FGFR2: variants seen among roughly 807,000 people sequenced by gnomAD.
The protein encoded by FGFR2 is BEK fibroblast growth factor receptor.
FGFR2 carries 19 observed loss-of-function variants against 95.9 expected under a neutral mutation model. The observed-to-expected ratio is 0.20, with a 90% confidence interval of 0.14 to 0.29. The LOEUF is 0.29. Ranked by LOEUF, FGFR2 falls within the 10% of genes least tolerant of loss-of-function variation. FGFR2 has a pLI of 1.00. For synonymous variants in FGFR2, 392 were observed against 393.3 expected (o/e 1.00, Z 0.04); for missense variants, 707 against 1,056.9 (o/e 0.67, Z 4.59).
chr10:121,583,648 A>G (rs1311489892), intron 2 of FGFR2: 1 of 153,716 alleles, frequency 6.5e-6, no homozygotes, highest in African/African-American at 2.4e-5. Context: ...CTTTAGGAGA[A>G]TTCGGTATGG....
chr10:121,501,455 G>A (rs1202433756), intron 10 of FGFR2, among the ~76,000 whole-genome samples: 4 of 152,044 alleles, frequency 2.6e-5, no homozygotes, highest in African/African-American at 9.7e-5. Context: ...TTACTAAAAA[G>A]AAAATTCTAA....
Position 121,563,022 on chromosome 10 carries a change from T to C in FGFR2, c.454+1480A>G, listed in dbSNP as rs567932587. Among the ~76,000 whole-genome samples the C allele has an allele frequency of 1.8e-3, 271 of 152,184 alleles. 2 individuals are homozygous for C. The highest frequency in any genetic ancestry group is 5.9e-3 in the African/African-American group (246 of 41,540). ...CAGGAGGCTGAGGCGGGTGGATCAC[T>C]TGAGGTCAGGAGTTCAAGACCAGCC... On this transcript the variant is annotated intron_variant, in intron 4 of 17. Transcript: ENST00000358487.
intron 4 of FGFR2, among the ~76,000 whole-genome samples, chr10:121,552,859 T>C (rs1356210148): frequency 2.0e-5 from 3 of 152,204 alleles, no homozygotes; most frequent in Non-Finnish European, 4.4e-5. Flanking sequence ...TTATTTCTGA[T>C]GAAGGCTAGA....
In FGFR2 at chr10:121,577,178, T is replaced by TATATAGAGAGAGAGAAAGAGAG; in HGVS notation, c.110-11475_110-11474insCTCTCTTTCTCTCTCTCTATAT. On this transcript the variant is annotated intron_variant, in intron 2 of 17. Transcript: ENST00000358487. ...AAAAAAATATATATATATATATATATAGAGAGAGAGAGAGAGAGAGAGAGA... is the reference window on the plus strand; with the variant it reads ...AAAAAAATATATATATATATATATATATATAGAGAGAGAGAAAGAGAGAGAGAGAGAGAGAGAGAGAGAGAGA... Among the ~76,000 whole-genome samples, 4 of 5,214 alleles carry TATATAGAGAGAGAGAAAGAGAG rather than the reference T, an allele frequency of 7.7e-4. 1 individual carries two copies. The highest frequency in any genetic ancestry group is 1.0e-3 in the Non-Finnish European group (3 of 3,000). The allele number at this position is 5,214 out of a possible 152,430, so 3.4% of individuals were successfully genotyped here. A position where few individuals can be genotyped will look rare whatever the true frequency, so the allele number is the denominator to read the frequency against.
At chr10:121,554,681 T>C (rs1855882249) in intron 4 of FGFR2, among the ~76,000 whole-genome samples, 1 of 152,116 alleles carries the variant, frequency 6.6e-6, no homozygotes, top group Non-Finnish European at 1.5e-5. Flanking sequence ...GGAACTCTTT[T>C]ATAATTTTAC....
At position 121,551,149 on chromosome 10, in the gene FGFR2, GAT is replaced by G. The variant is rs1855341802; in HGVS notation, c.624+139_624+140del. ...GCAGGAGAATCGCTTGAACCTGGGA[GAT>G]GGAGGTTGCAGTGAACCGAGATCGC... On this transcript the variant is annotated intron_variant, in intron 5 of 17. Coordinates refer to ENST00000358487, the MANE Select transcript of FGFR2 (RefSeq NM_000141.5). 4.4e-6 allele frequency: 4 copies of G among 908,864 alleles called. No homozygotes were observed. In the East Asian group the frequency reaches 8.3e-5, roughly 19 times the overall value. The allele number at this position is 908,864 out of a possible 1,614,324, so 56.3% of individuals were successfully genotyped here.
rs532079357 is a variant in FGFR2 at position 121,547,417 on chromosome 10, CAG to C, written c.624+3871_624+3872del. 4.9e-5 allele frequency among the ~76,000 whole-genome samples: 7 copies of C among 141,782 alleles called. No individual in the cohort carries two copies. In the East Asian group the frequency reaches 6.2e-4, roughly 13 times the overall value. 93.0% of individuals were successfully genotyped at this position (141,782 alleles called of 152,430 possible). A position where few individuals can be genotyped will look rare whatever the true frequency, so the allele number is the denominator to read the frequency against. On this transcript the variant is annotated intron_variant, in intron 5 of 17. Transcript: ENST00000358487. Reference sequence around the variant, plus strand: ...TTTTTTTTCTTTTTTTTTTTTTTGACAGAGTCTTCCTCTATCATCCAGGCTGG... The same window carrying C: ...TTTTTTTTCTTTTTTTTTTTTTTGACAGTCTTCCTCTATCATCCAGGCTGG...
chr10:121,538,377 T>A (rs746844110), intron 6 of FGFR2: 1 of 811,982 alleles, frequency 1.2e-6, no homozygotes, highest in Admixed American at 1.7e-5. Context: ...TTGGGAACCA[T>A]GAGGATCATG....
At chr10:121,568,150 A>C (rs981731327) in intron 2 of FGFR2, among the ~76,000 whole-genome samples, 2 of 152,182 alleles carry the variant, frequency 1.3e-5, no homozygotes, top group Non-Finnish European at 2.9e-5. Flanking sequence ...GCAGGGATTC[A>C]GTCTGGTCCC....
intron 9 of FGFR2, among the ~76,000 whole-genome samples, chr10:121,508,903 C>G (rs1016791591): frequency 3.3e-5 from 5 of 152,210 alleles, no homozygotes; most frequent in African/African-American, 7.2e-5. Context: ...ATACGGCTGG[C>G]TTTCTCTTCA....
chr10:121,583,260 G>A (rs1423446024), intron 2 of FGFR2: 1 of 152,262 alleles, frequency 6.6e-6, no homozygotes, highest in Non-Finnish European at 1.5e-5. Flanking sequence ...GGTAGGCCTT[G>A]ACTTCATACC....
Position 121,495,624 on chromosome 10 carries a change from A to G in FGFR2, c.1863+908T>C, listed in dbSNP as rs3135792. On this transcript the variant is annotated intron_variant, in intron 13 of 17. Transcript: ENST00000358487. ...AATCTCTGCACTCTGAGTGATCCGC[A>G]GGCCTTGGTGGTGTGACTGGCATGG... Among the ~76,000 whole-genome samples, 1,289 of 152,300 alleles carry G rather than the reference A, an allele frequency of 8.5e-3. 7 individuals carry two copies. Among genetic ancestry groups the G allele is most frequent in the Middle Eastern group, 0.024 (7 of 294 alleles).
At chr10:121,503,973 T>A (rs2134067668) in intron 9 of FGFR2, 32 bp from the exon 10 acceptor site, 1 of 1,612,970 alleles carries the variant, frequency 6.2e-7, no homozygotes, top group Non-Finnish European at 8.5e-7. Flanking sequence ...ACAGATGTAA[T>A]CCTGGCTCCA....
At chr10:121,543,116 A>G (rs781686697) in intron 5 of FGFR2, among the ~76,000 whole-genome samples, 31 of 152,084 alleles carry the variant, frequency 2.0e-4, no homozygotes, top group Non-Finnish European at 3.5e-4. Flanking sequence ...TCAGCACCCA[A>G]TTTTCCCAGG....
chr10:121,560,615 CAAAA>C (rs34753296), intron 4 of FGFR2, among the ~76,000 whole-genome samples: 51 of 51,808 alleles, frequency 9.8e-4, no homozygotes, highest in East Asian at 3.3e-3. Flanking sequence ...ACTCCGTCCC[CAAAA>C]AAAAAAAAAA....
At chr10:121,565,014 G>T (rs1046745343) in intron 3 of FGFR2, among the ~76,000 whole-genome samples, 1 of 152,030 alleles carries the variant, frequency 6.6e-6, no homozygotes, top group Non-Finnish European at 1.5e-5. Flanking sequence ...CTAACATTCT[G>T]AAAGCAGAAC....
Position 121,562,284 on chromosome 10 carries a change from GT to G in FGFR2, c.454+2217del, listed in dbSNP as rs374500237. Among the ~76,000 whole-genome samples the G allele has an allele frequency of 7.0e-3, 995 of 142,164 alleles. 14 individuals carry two copies. The highest frequency in any genetic ancestry group is 0.022 in the African/African-American group (875 of 39,144). 93.3% of individuals were successfully genotyped at this position (142,164 alleles called of 152,430 possible). A position where few individuals can be genotyped will look rare whatever the true frequency, so the allele number is the denominator to read the frequency against. On this transcript the variant is annotated intron_variant, in intron 4 of 17. Transcript: ENST00000358487. ...TCAAAACTTGGAAGCAACAGAGTTT[GT>G]TTTTTTTTTTTTTGAGATGGAGTCT...
At chr10:121,505,342 A>C (rs1417900104) in intron 9 of FGFR2, among the ~76,000 whole-genome samples, 2 of 152,230 alleles carry the variant, frequency 1.3e-5, no homozygotes, top group Non-Finnish European at 2.9e-5. Flanking sequence ...GCCATTTTTC[A>C]CATAGAATTC....
rs540720034 is a variant in FGFR2, at chr10:121,593,925, G to A, written c.-108C>T. 582 of 1,022,204 alleles carry A rather than the reference G, an allele frequency of 5.7e-4. 1 individual carries two copies. Among genetic ancestry groups the A allele is most frequent in the Non-Finnish European group, 7.9e-4 (515 of 652,624 alleles). The allele number at this position is 1,022,204 out of a possible 1,614,324, so 63.3% of individuals were successfully genotyped here. On this transcript the variant is annotated 5_prime_UTR_variant, in exon 2 of 18. Transcript: ENST00000358487. ...ACTACGCGCAATGCCTTCAGCCTGC[G>A]GTGGGCTCAGGAACCGAGGCGCTGC... is the stretch of plus-strand genomic sequence containing the variant.
Sources: gnomAD v4.1 joint callset for allele counts (sites outside exome capture counted in the v4.1 genomes callset) on GRCh38, gnomAD v4.1.1 for gene constraint, MANE v1.5 for transcripts, NCBI Gene and HGNC (gene_info 2026-07-23, HGNC 2026-07-21) for gene names.